Variants in MYO16 observed in about 807,000 individuals in gnomAD.
The protein encoded by MYO16 is unconventional myosin-XVI.
In MYO16, 94 loss-of-function variants were observed where a neutral mutation model predicts 205.3. That is an observed-to-expected ratio of 0.46 (90% CI 0.39 to 0.54). The LOEUF is 0.54. Ranked by LOEUF, MYO16 falls within the 20% of genes least tolerant of loss-of-function variation. The pLI is 0.00. For synonymous variants in MYO16, 988 were observed against 954.0 expected (o/e 1.04, Z -0.66); for missense variants, 2,315 against 2,387.5 (o/e 0.97, Z 0.63).
chr13:108,910,179 A>G, intron 16 of MYO16, 29 bp downstream of exon 16: 1 of 1,592,752 alleles, frequency 6.3e-7, no homozygotes, highest in Non-Finnish European at 8.6e-7. Context: ...TGTATCTAAA[A>G]GCTATGCCTT....
chr13:108,742,407 T>C (rs554124861), intron 4 of MYO16, among the ~76,000 whole-genome samples: 5 of 152,222 alleles, frequency 3.3e-5, no homozygotes, highest in Non-Finnish European at 7.3e-5. Flanking sequence ...TGATAATTTT[T>C]ATATGTACTC....
At chr13:108,972,939 A>G (rs1594438233) in intron 20 of MYO16, among the ~76,000 whole-genome samples, 1 of 152,098 alleles carries the variant, frequency 6.6e-6, no homozygotes, top group East Asian at 1.9e-4. Context: ...GGGCTCACGC[A>G]GTGCCTGAAC....
At chr13:109,185,050 G>A (rs147068258) in intron 34 of MYO16, among the ~76,000 whole-genome samples, 1 of 152,136 alleles carries the variant, frequency 6.6e-6, no homozygotes, top group Non-Finnish European at 1.5e-5. Flanking sequence ...TATTACAGGA[G>A]TGAGCCACCG....
At chr13:108,730,598 A>T (rs1884489242) in intron 4 of MYO16, among the ~76,000 whole-genome samples, 3 of 152,200 alleles carry the variant, frequency 2.0e-5, no homozygotes, top group Non-Finnish European at 4.4e-5. Flanking sequence ...TATACTGGCA[A>T]GTTATTCAGA....
At chr13:108,544,615 T>C in the MYO16 span, among the ~76,000 whole-genome samples, 1 of 152,232 alleles carries the variant, frequency 6.6e-6, no homozygotes, top group East Asian at 1.9e-4. Context: ...TCTATACCTA[T>C]ATAAAGAGCT....
intron 4 of MYO16, among the ~76,000 whole-genome samples, chr13:108,759,275 T>C (rs1885519056): frequency 6.6e-6 from 1 of 152,214 alleles, no homozygotes; most frequent in Non-Finnish European, 1.5e-5. Context: ...GTGTGAATAG[T>C]TACCAGTTGT....
chr13:108,712,653 G>T lies in MYO16; in HGVS notation c.293-8G>T, dbSNP rs771130006. The T allele has an allele frequency of 5.8e-5, 94 of 1,613,610 alleles. No homozygotes were observed. The highest frequency in any genetic ancestry group is 3.3e-4 in the Middle Eastern group (2 of 6,084). ...CTGTAACTCCATTCTCCTCTCTGTT[G>T]TTTTCAGTGCTTCGGCTCCTGAAGG... On this transcript the variant is annotated splice_polypyrimidine_tract_variant and splice_region_variant and intron_variant, in intron 2 of 34. Transcript: ENST00000457511.
intron 16 of MYO16, among the ~76,000 whole-genome samples, chr13:108,921,406 A>T (rs1881739859): frequency 6.6e-6 from 1 of 152,158 alleles, no homozygotes; most frequent in African/African-American, 2.4e-5. Flanking sequence ...GACCATTCTT[A>T]CACATGATAC....
chr13:109,121,995 A>G (rs980617404), intron 29 of MYO16, among the ~76,000 whole-genome samples: 3 of 152,140 alleles, frequency 2.0e-5, no homozygotes, highest in Non-Finnish European at 4.4e-5. Context: ...GCTGTTTTGG[A>G]TCATCCCCTT....
At chr13:108,835,461 G>T (rs1405900739) in intron 9 of MYO16, among the ~76,000 whole-genome samples, 1 of 152,162 alleles carries the variant, frequency 6.6e-6, no homozygotes, top group East Asian at 1.9e-4. Context: ...CCTTATAGCA[G>T]CATGAGAACA....
intron 1 of MYO16, among the ~76,000 whole-genome samples, chr13:108,611,365 A>G (rs963840618): frequency 3.9e-5 from 6 of 152,106 alleles, no homozygotes; most frequent in African/African-American, 1.4e-4. Flanking sequence ...ACACTGAAAC[A>G]AATGAAAAAG....
At chr13:108,768,745 A>G (rs1885862704) in intron 4 of MYO16, among the ~76,000 whole-genome samples, 1 of 152,158 alleles carries the variant, frequency 6.6e-6, no homozygotes, top group African/African-American at 2.4e-5. Context: ...AATGAAGTTA[A>G]ATTATATTCG....
intron 16 of MYO16, among the ~76,000 whole-genome samples, chr13:108,921,326 A>T (rs1327948973): frequency 3.3e-5 from 5 of 152,136 alleles, no homozygotes; most frequent in Admixed American, 3.3e-4. Flanking sequence ...TGGGTGGATC[A>T]TGGTCCATGT....
At chr13:108,627,322 A>G (rs1262089687), upstream of MYO16, among the ~76,000 whole-genome samples, 2 of 152,186 alleles carry the variant, frequency 1.3e-5, no homozygotes, top group Non-Finnish European at 2.9e-5. Context: ...TTATACATAG[A>G]AAGCACATTC....
At chr13:108,847,848 T>C (rs1877601240) in intron 10 of MYO16, among the ~76,000 whole-genome samples, 1 of 152,196 alleles carries the variant, frequency 6.6e-6, no homozygotes. Context: ...CCTGGGTTTT[T>C]TCATTTTTTT....
At chr13:108,723,600 C>T (rs74978314) in intron 3 of MYO16, among the ~76,000 whole-genome samples, 4,478 of 152,000 alleles carry the variant, frequency 0.029, 197 homozygotes, top group African/African-American at 0.1. Context: ...ACTGAATTGC[C>T]CTTGCCAGTT....
chr13:108,778,305 G>A (rs544127083), intron 4 of MYO16, among the ~76,000 whole-genome samples: 4 of 152,208 alleles, frequency 2.6e-5, no homozygotes, highest in Non-Finnish European at 5.9e-5. Flanking sequence ...AAGACTCAGG[G>A]TGACTTCAGG....
chr13:108,679,767 T>A (rs1281458557), intron 2 of MYO16, among the ~76,000 whole-genome samples: 4 of 151,642 alleles, frequency 2.6e-5, no homozygotes, highest in African/African-American at 9.7e-5. Context: ...AAAAATCTTG[T>A]AATAATGCTT....
chr13:109,029,395 G>C (rs1476224488), intron 23 of MYO16, among the ~76,000 whole-genome samples: 1 of 151,964 alleles, frequency 6.6e-6, no homozygotes, highest in Non-Finnish European at 1.5e-5. Context: ...CATGCTTGCG[G>C]GATCTCTGTC....
Sources: allele counts gnomAD v4.1 joint callset (sites outside exome capture counted in the v4.1 genomes callset), GRCh38; gene constraint gnomAD v4.1.1; transcripts MANE v1.5; gene names NCBI Gene and HGNC (gene_info 2026-07-23, HGNC 2026-07-21).